Variants in URI1 observed in about 807,000 individuals in gnomAD.
URI1 encodes URI1 prefoldin like chaperone.
In URI1, 39 loss-of-function variants were observed where a neutral mutation model predicts 60.2. The ratio of observed to expected loss-of-function variants is 0.65; its 90% CI spans 0.50 to 0.85. The LOEUF is 0.85. Among genes scored for constraint, URI1 ranks in the 40% least tolerant of loss-of-function variants. The probability of loss-of-function intolerance (pLI) is 0.00; values close to 1 mark genes in which losing one functional copy is unlikely to be tolerated. For synonymous variants in URI1, 251 were observed against 236.8 expected (o/e 1.06, Z -0.55); for missense variants, 691 against 665.9 (o/e 1.04, Z -0.42).
intron 2 of URI1, among the ~76,000 whole-genome samples, chr19:29,976,893 G>A (rs1232993561): frequency 2.0e-5 from 3 of 152,144 alleles, no homozygotes; most frequent in African/African-American, 7.2e-5. Flanking sequence ...ATTTTGGAAA[G>A]AATACTTTAA....
chr19:29,975,967 A>T (rs1169179072), intron 2 of URI1, among the ~76,000 whole-genome samples: 1 of 152,180 alleles, frequency 6.6e-6, no homozygotes, highest in East Asian at 1.9e-4. Flanking sequence ...TTGGACAAAA[A>T]TGAAATCAGA....
rs1355724925 is a variant in URI1, at chr19:29,942,257, G to A, written c.-291G>A. On this transcript the variant is annotated 5_prime_UTR_variant, in exon 1 of 11. Coordinates refer to ENST00000392271, the MANE Select transcript of URI1 (RefSeq NM_003796.3). ...GCGGGGCGTGTGGGGAGGCGCGGCC[G>A]CCACGCGACGCCTGGCTGGGCCCGC... is the stretch of plus-strand genomic sequence containing the variant. The A allele has an allele frequency of 6.1e-6, 6 of 984,680 alleles. No homozygotes were observed. In the African/African-American group the frequency reaches 1.1e-4, roughly 17 times the overall value. 61.0% of individuals were successfully genotyped at this position (984,680 alleles called of 1,614,324 possible). A position where few individuals can be genotyped will look rare whatever the true frequency, so the allele number is the denominator to read the frequency against.
At chr19:29,989,444 G>T (rs1175174250) in intron 4 of URI1, among the ~76,000 whole-genome samples, 1 of 150,860 alleles carries the variant, frequency 6.6e-6, no homozygotes, top group Admixed American at 6.6e-5. Context: ...TTTTTTTTGA[G>T]ATGGAGTCTC....
Position 29,966,397 on chromosome 19 carries a change from A to G in URI1, c.118-4796A>G, listed in dbSNP as rs375993223. Among the ~76,000 whole-genome samples, 86 of 152,224 alleles carry G rather than the reference A, an allele frequency of 5.6e-4. No homozygotes were observed. In the South Asian group the frequency reaches 0.012, roughly 21 times the overall value. On this transcript the variant is annotated intron_variant, in intron 1 of 10. Transcript: ENST00000392271. The stretch of plus-strand genomic sequence containing the variant: ...ATGTGATCTACTGGCCTGGGCCTCA[A>G]AGTGCTAAGATTACAGGCGTGAGCC...
At chr19:29,999,098 C>T (rs1357087542) in intron 4 of URI1, among the ~76,000 whole-genome samples, 2 of 152,048 alleles carry the variant, frequency 1.3e-5, no homozygotes, top group Non-Finnish European at 2.9e-5. Flanking sequence ...TCCTTCACCT[C>T]TTTATATTAT....
At chr19:29,970,763 A>C (rs969291452) in intron 1 of URI1, among the ~76,000 whole-genome samples, 2 of 152,144 alleles carry the variant, frequency 1.3e-5, no homozygotes, top group Admixed American at 6.5e-5. Flanking sequence ...TATACTGACA[A>C]AATAAAATAT....
In URI1 at chr19:30,007,495, G is replaced by T. The variant is rs577451024; in HGVS notation, c.543G>T (p.Pro181=). ...FKAKHRIAHK[P]HSKPKTSDIF... ...CAAAACACCGAATTGCTCATAAACC[G>T]CATTCCAAACCAAAAACTTCAGATA... The change falls in exon 7 of 11, where the codon CCG becomes CCT. Residue 181 remains proline, a synonymous_variant. Coordinates refer to ENST00000392271, the MANE Select transcript of URI1 (RefSeq NM_003796.3). The T allele has an allele frequency of 6.2e-7, 1 of 1,612,716 alleles. No individual in the cohort carries two copies.
intron 1 of URI1, among the ~76,000 whole-genome samples, chr19:29,927,560 CTTTTTTTTTT>C (rs3049080): frequency 2.8e-4 from 11 of 39,812 alleles, no homozygotes; most frequent in South Asian, 1.9e-3. Context: ...CTGCACCCGG[CTTTTTTTTTT>C]TTTTTTTTTT....
At chr19:29,988,193 G>T (rs1040004261) in intron 4 of URI1, among the ~76,000 whole-genome samples, 1 of 150,144 alleles carries the variant, frequency 6.7e-6, no homozygotes, top group Admixed American at 6.6e-5. Flanking sequence ...ATTACGTAAA[G>T]CTCTTTTATT....
chr19:29,989,579 C>T (rs558053086), intron 4 of URI1, among the ~76,000 whole-genome samples: 32 of 151,320 alleles, frequency 2.1e-4, no homozygotes, highest in Admixed American at 1.6e-3. Context: ...CGTACCACCA[C>T]GCCCGGCTAA....
chr19:29,973,481 A>AG (rs1245526629), intron 2 of URI1, among the ~76,000 whole-genome samples: 1 of 152,186 alleles, frequency 6.6e-6, no homozygotes, highest in East Asian at 1.9e-4. Context: ...AGTATAGTAA[A>AG]GAAGAACAAA....
chr19:29,962,094 T>C (rs979454412), intron 1 of URI1, among the ~76,000 whole-genome samples: 2 of 152,218 alleles, frequency 1.3e-5, no homozygotes, highest in African/African-American at 4.8e-5. Context: ...GACTGTACCA[T>C]TTTACATTCC....
chr19:29,991,874 T>C (rs950775997), intron 4 of URI1, among the ~76,000 whole-genome samples: 2 of 152,202 alleles, frequency 1.3e-5, no homozygotes, highest in African/African-American at 2.4e-5. Context: ...CTTGTAGTTT[T>C]TCTTCTGTAT....
intron 2 of URI1, among the ~76,000 whole-genome samples, chr19:29,974,304 A>T (rs966275899): frequency 4.0e-5 from 6 of 148,220 alleles, no homozygotes; most frequent in African/African-American, 1.2e-4. Flanking sequence ...TCAGACAAAT[A>T]AAAAAAAAAG....
chr19:29,983,027 T>C (rs2055618003), intron 2 of URI1, among the ~76,000 whole-genome samples: 1 of 152,250 alleles, frequency 6.6e-6, no homozygotes, highest in South Asian at 2.1e-4. Flanking sequence ...TTCTGGTACA[T>C]AGCCTTGTGC....
chr19:29,937,998 T>C (rs1297285619), upstream of URI1: 1 of 152,090 alleles, frequency 6.6e-6, no homozygotes, highest in Non-Finnish European at 1.5e-5. Context: ...TGTTTATTCA[T>C]GTCTCATGAG....
intron 1 of URI1, among the ~76,000 whole-genome samples, chr19:29,960,658 AGT>A (rs1369977548): frequency 2.6e-5 from 4 of 152,220 alleles, no homozygotes; most frequent in Non-Finnish European, 5.9e-5. Flanking sequence ...TTGGGTTCGA[AGT>A]GTGTCTTATA....
chr19:29,935,780 TTTCTTTTCTC>T (rs1399879216), intron 1 of URI1, among the ~76,000 whole-genome samples: 1 of 149,608 alleles, frequency 6.7e-6, no homozygotes, highest in Non-Finnish European at 1.5e-5. Flanking sequence ...TTTCTTTTCT[TTTCTTTTCTC>T]TTTTCTTTTT....
At chr19:29,981,424 C>G (rs1031689660) in intron 2 of URI1, among the ~76,000 whole-genome samples, 1 of 151,722 alleles carries the variant, frequency 6.6e-6, no homozygotes, top group Non-Finnish European at 1.5e-5. Context: ...TGATCTTAAT[C>G]CTTTAAGGGT....
Sources: allele counts gnomAD v4.1 joint callset (sites outside exome capture counted in the v4.1 genomes callset), GRCh38; gene constraint gnomAD v4.1.1; transcripts MANE v1.5; gene names NCBI Gene and HGNC (gene_info 2026-07-23, HGNC 2026-07-21).